The following BRINP3 variants were observed in gnomAD, a reference collection of about 807,000 sequenced individuals.
The protein encoded by BRINP3 is BMP/retinoic acid-inducible neural-specific protein 3.
A neutral mutation model predicts 71.0 loss-of-function variants in BRINP3; 19 were observed. That is an observed-to-expected ratio of 0.27 (90% confidence interval 0.19 to 0.39). The LOEUF (loss-of-function observed/expected upper bound fraction) is 0.39. BRINP3 is among the 10% of genes least tolerant of loss of function. The pLI, the probability that BRINP3 is intolerant of heterozygous loss-of-function variation, is 1.00. For synonymous variants in BRINP3, 380 were observed against 337.7 expected (o/e 1.13, Z -1.37); for missense variants, 959 against 940.8 (o/e 1.02, Z -0.25).
At chr1:190,375,829 C>G (rs1412166427) in intron 2 of BRINP3, among the ~76,000 whole-genome samples, 1 of 151,928 alleles carries the variant, frequency 6.6e-6, no homozygotes, top group Non-Finnish European at 1.5e-5. Context: ...CTGGTTTTCA[C>G]TATTTTGAGG....
intron 4 of BRINP3, among the ~76,000 whole-genome samples, chr1:190,249,488 G>T (rs564292314): frequency 4.6e-5 from 7 of 151,848 alleles, no homozygotes; most frequent in East Asian, 3.9e-4. Context: ...AAAATTAATA[G>T]ATTTTTCAAA....
chr1:190,466,181 A>G (rs1432152703), intron 1 of BRINP3, among the ~76,000 whole-genome samples: 2 of 151,736 alleles, frequency 1.3e-5, no homozygotes, highest in Non-Finnish European at 3.0e-5. Flanking sequence ...ATAAAAACTA[A>G]AAGTATAAAA....
At chr1:190,255,460 A>T (rs1485482353) in intron 4 of BRINP3, among the ~76,000 whole-genome samples, 1 of 151,958 alleles carries the variant, frequency 6.6e-6, no homozygotes, top group Non-Finnish European at 1.5e-5. Context: ...TCAATTTCAG[A>T]GCCTGTTATT....
intron 2 of BRINP3, among the ~76,000 whole-genome samples, chr1:190,422,920 A>G (rs1673475250): frequency 6.6e-6 from 1 of 151,820 alleles, no homozygotes; most frequent in African/African-American, 2.4e-5. Flanking sequence ...TTATTACTAT[A>G]TTTCAAATTA....
chr1:190,121,128 A>G (rs867380390), intron 7 of BRINP3, among the ~76,000 whole-genome samples: 1 of 152,204 alleles, frequency 6.6e-6, no homozygotes, highest in African/African-American at 2.4e-5. Flanking sequence ...GCTGAAAAAC[A>G]GAAAAGTTTT....
chr1:190,411,180 G>A (rs984007702), intron 2 of BRINP3, among the ~76,000 whole-genome samples: 1 of 152,016 alleles, frequency 6.6e-6, no homozygotes, highest in African/African-American at 2.4e-5. Flanking sequence ...TATGACAGAG[G>A]TGGTACCCGG....
At chr1:190,475,816 T>A (rs1677460405) in intron 1 of BRINP3, 1 of 152,214 alleles carries the variant, frequency 6.6e-6, no homozygotes, top group Non-Finnish European at 1.5e-5. Flanking sequence ...TGGATCTGAC[T>A]GTACTGAAAG....
At chr1:190,401,025 T>C (rs916121772) in intron 2 of BRINP3, among the ~76,000 whole-genome samples, 3 of 152,170 alleles carry the variant, frequency 2.0e-5, no homozygotes, top group Admixed American at 6.5e-5. Flanking sequence ...AGGCATATTG[T>C]GGCCTTGAAG....
chr1:190,410,686 G>A (rs1051318312), intron 2 of BRINP3, among the ~76,000 whole-genome samples: 1 of 152,024 alleles, frequency 6.6e-6, no homozygotes, highest in African/African-American at 2.4e-5. Context: ...AATAAAATAT[G>A]TTGTTTTAAA....
intron 4 of BRINP3, among the ~76,000 whole-genome samples, chr1:190,251,336 C>G (rs1285364214): frequency 6.6e-6 from 1 of 151,922 alleles, no homozygotes; most frequent in Non-Finnish European, 1.5e-5. Context: ...AATATTAACT[C>G]TCCCTATTTT....
At chr1:190,346,906 C>T (rs1419071597) in intron 2 of BRINP3, among the ~76,000 whole-genome samples, 1 of 151,970 alleles carries the variant, frequency 6.6e-6, no homozygotes, top group Admixed American at 6.6e-5. Flanking sequence ...TAAAAAGTGT[C>T]CTATATTTTT....
In BRINP3 at chr1:190,420,195, A is replaced by T. The variant is rs145550074; in HGVS notation, c.236+34460T>A. Among the ~76,000 whole-genome samples the T allele has an allele frequency of 1.9e-3, 296 of 152,076 alleles. 2 individuals are homozygous for T. The highest frequency in any genetic ancestry group is 6.5e-3 in the African/African-American group (269 of 41,518). On this transcript the variant is annotated intron_variant, in intron 2 of 7. Coordinates refer to ENST00000367462, the MANE Select transcript of BRINP3 (RefSeq NM_199051.3). ...AAGAATTTTCTATTCCACTGAGTTG[A>T]TATATTCTGTCAATCTTTGGCCACA...
chr1:190,319,141 T>C (rs1666073986), intron 2 of BRINP3, among the ~76,000 whole-genome samples: 2 of 152,154 alleles, frequency 1.3e-5, no homozygotes, highest in Admixed American at 1.3e-4. Flanking sequence ...ATTCCTTACA[T>C]GTGCCTGACT....
Position 190,097,936 on chromosome 1 carries a change from T to C in BRINP3, c.*82A>G. On this transcript the variant is annotated 3_prime_UTR_variant, in exon 8 of 8. Coordinates refer to ENST00000367462, the MANE Select transcript of BRINP3 (RefSeq NM_199051.3). Reference sequence around the variant, plus strand: ...ACAGATATTGAAAAGACAATTTAAATTTACTCTTCCAAACATAAACTGTTC... The same window carrying C: ...ACAGATATTGAAAAGACAATTTAAACTTACTCTTCCAAACATAAACTGTTC... The C allele has an allele frequency of 2.8e-6, 4 of 1,407,452 alleles. No homozygotes were observed. The highest frequency in any genetic ancestry group is 3.8e-6 in the Non-Finnish European group (4 of 1,041,608). The allele number at this position is 1,407,452 out of a possible 1,614,324, so 87.2% of individuals were successfully genotyped here. A position where few individuals can be genotyped will look rare whatever the true frequency, so the allele number is the denominator to read the frequency against.
intron 2 of BRINP3, among the ~76,000 whole-genome samples, chr1:190,291,149 T>C (rs573991172): frequency 1.3e-5 from 2 of 152,226 alleles, no homozygotes; most frequent in Admixed American, 1.3e-4. Context: ...TGTAAACCTC[T>C]ACATGGTAGA....
chr1:190,377,632 ACAC>A (rs1192648680), intron 2 of BRINP3, among the ~76,000 whole-genome samples: 4 of 149,736 alleles, frequency 2.7e-5, no homozygotes, highest in African/African-American at 4.9e-5. Context: ...ACACACACAC[ACAC>A]AAGTACACAC....
intron 2 of BRINP3, among the ~76,000 whole-genome samples, chr1:190,367,370 C>A (rs1456358845): frequency 2.6e-5 from 4 of 152,278 alleles, no homozygotes; most frequent in African/African-American, 9.6e-5. Context: ...ACACCATGTC[C>A]CGAGGCTGCA....
chr1:190,138,297 A>G (rs757871287), intron 7 of BRINP3, among the ~76,000 whole-genome samples: 2 of 152,136 alleles, frequency 1.3e-5, no homozygotes, highest in Non-Finnish European at 2.9e-5. Context: ...GCAACCCAAC[A>G]AATTTATTTA....
intron 2 of BRINP3, among the ~76,000 whole-genome samples, chr1:190,312,034 C>CAAATATAT (rs1665560235): frequency 2.4e-5 from 1 of 41,092 alleles, no homozygotes; most frequent in Non-Finnish European, 5.2e-5. Context: ...TTTGAAAAGT[C>CAAATATAT]AAATATATAT....
Sources: gnomAD v4.1 joint callset for allele counts (sites outside exome capture counted in the v4.1 genomes callset) on GRCh38, gnomAD v4.1.1 for gene constraint, MANE v1.5 for transcripts, NCBI Gene and HGNC (gene_info 2026-07-23, HGNC 2026-07-21) for gene names.